The following TTN variants were observed in gnomAD, a reference collection of about 807,000 sequenced individuals.
The protein encoded by TTN is connectin.
Under a neutral mutation model 3,223.0 loss-of-function variants are expected in TTN, and 1,525 were observed. The observed-to-expected ratio is 0.47, with a 90% CI of 0.45 to 0.49. The LOEUF (loss-of-function observed/expected upper bound fraction) is 0.49. TTN is among the 20% of genes least tolerant of loss of function. TTN has a pLI of 0.00. For synonymous variants in TTN, 14,094 were observed against 15,161.0 expected, an observed-to-expected ratio of 0.93 and a Z score of 5.17; for missense variants, 40,786 against 43,424.0, an observed-to-expected ratio of 0.94 and a Z score of 5.40.
rs1693158118 is a variant in TTN, at chr2:178,539,159, C to A, written c.98776G>T (p.Gly32926Cys). The A allele has an allele frequency of 1.2e-6, 2 of 1,613,756 alleles. No homozygotes were observed. The highest frequency in any genetic ancestry group is 2.7e-5 in the African/African-American group (2 of 75,018). The change falls in exon 353 of 363, where the codon GGT becomes TGT. Residue 32926 changes from glycine (G) to cysteine (C), a missense_variant. Coordinates refer to ENST00000589042, the MANE Select transcript of TTN (RefSeq NM_001267550.2). ...LSWSRPKDDG[G>C]SRVTGYYIER... ...ATGTAGTAGCCTGTGACTCTAGAAC[C>A]ACCATCATCTTTGGGCCGGGACCAG...
At position 178,562,795 on chromosome 2, in the gene TTN, C is replaced by G. The variant is rs1410411613; in HGVS notation, c.83337G>C (p.Lys27779Asn). Residue 27779 changes from lysine to asparagine, a missense_variant, in exon 326 of 363, where the codon AAG becomes AAC. Lys to Asn is a moderately conservative substitution (Grantham distance 94). Coordinates refer to ENST00000589042, the MANE Select transcript of TTN (RefSeq NM_001267550.2). ...CCCAGGACAACGTCACTGAGTCTTT[C>G]TTCACTTCTCTTATGGTCAAATTCA... The part of the protein sequence containing the change: ...APVNLTIREV[K>N]KDSVTLSWEP... 1.2e-6 allele frequency: 2 copies of G among 1,613,090 alleles called. No homozygotes were observed. The highest frequency in any genetic ancestry group is 1.7e-6 in the Non-Finnish European group (2 of 1,179,584).
chr2:178,733,098 T>C lies in TTN; in HGVS notation c.16078A>G (p.Thr5360Ala), dbSNP rs749081117. 5.0e-6 allele frequency: 8 copies of C among 1,597,832 alleles called. No homozygotes were observed. The Admixed American group carries it at 1.4e-4, about 27-fold the overall frequency. Residue 5360 changes from threonine to alanine, a missense_variant, in exon 55 of 363, where the codon ACC becomes GCC. Transcript: ENST00000589042. Reference protein sequence around the residue: ...VLDRDIAPFFTKPLRNVDSVV... With the variant: ...VLDRDIAPFFAKPLRNVDSVV... ...CTATCCACGTTGCGCAAGGGTTTGG[T>C]AAAAAATGGAGCAATGTCTCGATCT...
chr2:178,718,586 C>T lies in TTN; in HGVS notation c.24520G>A (p.Val8174Met), dbSNP rs727504961. 5 of 1,612,074 alleles carry T rather than the reference C, an allele frequency of 3.1e-6. No individual in the cohort carries two copies. The highest frequency in any genetic ancestry group is 4.2e-6 in the Non-Finnish European group (5 of 1,178,730). ...HLFVKEPATF[V>M]KRLADFSVET... is the part of the protein sequence containing the mutation. ...ACACTGAAATCAGCCAATCTTTTCACAAAGGTGGCTGGTTCTATAAGGAGA... is the reference window on the plus strand; with the variant it reads ...ACACTGAAATCAGCCAATCTTTTCATAAAGGTGGCTGGTTCTATAAGGAGA... The change falls in exon 85 of 363, where the codon GTG becomes ATG. Residue 8174 changes from valine to methionine, a missense_variant. Transcript: ENST00000589042.
At chr2:178,685,217 A>G in intron 129 of TTN, 36 bp downstream of exon 129, 1 of 1,469,790 alleles carries the variant, frequency 6.8e-7, no homozygotes, top group Non-Finnish European at 9.2e-7. Flanking sequence ...ATACATTAAA[A>G]TAAATAGTGT....
Position 178,790,718 on chromosome 2 carries a change from CTT to C in TTN, c.1788_1789del (p.Ser597LeufsTer2). 1 of 1,614,096 alleles carries C rather than the reference CTT, an allele frequency of 6.2e-7. No homozygotes were observed. Among genetic ancestry groups the C allele is most frequent in the Non-Finnish European group, 8.5e-7 (1 of 1,179,988 alleles). The stretch of plus-strand genomic sequence containing the variant: ...GCAGGAAGTCATCACCTTTTCATAA[CTT>C]AGGTGCATTTGATCTTGTTGTGTGG... On this transcript the variant is annotated frameshift_variant, in exon 11 of 363. Coordinates refer to ENST00000589042, the MANE Select transcript of TTN (RefSeq NM_001267550.2). LOFTEE classifies it high-confidence loss of function.
Position 178,548,511 on chromosome 2 carries a change from C to A in TTN, c.93115G>T (p.Ala31039Ser), listed in dbSNP as rs1442882348. The A allele has an allele frequency of 6.2e-7, 1 of 1,613,760 alleles. No homozygotes were observed. The highest frequency in any genetic ancestry group is 8.5e-7 in the Non-Finnish European group (1 of 1,179,824). The change falls in exon 339 of 363, where the codon GCC becomes TCC. Residue 31039 changes from alanine (A) to serine (S), a missense_variant. Coordinates refer to ENST00000589042, the MANE Select transcript of TTN (RefSeq NM_001267550.2). This position sits in a 1 kb window ranked among gnomAD's most constrained non-coding sequence, Gnocchi z 4.3. ...TRGSATLMWD[A>S]PLLDGGARIH... is the part of the protein sequence containing the mutation. ...CGGGCACCACCGTCAAGAAGAGGGG[C>A]ATCCCACATCAATGTAGCAGATCCC...
Position 178,581,541 on chromosome 2 carries a change from G to T in TTN, c.66727C>A (p.Pro22243Thr). Residue 22243 changes from proline to threonine, a missense_variant, in exon 316 of 363, where the codon CCC becomes ACC. Transcript: ENST00000589042. Reference sequence around the variant, plus strand: ...TAGTGTTTATCTGGCACATCACTGGGGTCACTGTATCCAATCTTATTAACG... The same window carrying T: ...TAGTGTTTATCTGGCACATCACTGGTGTCACTGTATCCAATCTTATTAACG... ...YAVNKIGYSD[P>T]SDVPDKHYPK... 3 of 1,610,384 alleles carry T rather than the reference G, an allele frequency of 1.9e-6. No homozygotes were observed.
chr2:178,763,265 G>A (rs898356787), intron 43 of TTN, among the ~76,000 whole-genome samples: 1 of 152,190 alleles, frequency 6.6e-6, no homozygotes, highest in African/African-American at 2.4e-5. Context: ...GAAATTGGCT[G>A]GTGGTACTTG....
At chr2:178,705,009 T>C (rs2075626375) in intron 103 of TTN, 43 bp from the exon 104 acceptor site, 1 of 1,606,126 alleles carries the variant, frequency 6.2e-7, no homozygotes. Context: ...TGAAACAAAA[T>C]TTGATTTAGA....
chr2:178,800,606 T>C lies in TTN; in HGVS notation c.372A>G (p.Gln124=), dbSNP rs761201835. 5.6e-6 allele frequency: 9 copies of C among 1,613,572 alleles called. No individual in the cohort carries two copies. The highest frequency in any genetic ancestry group is 3.3e-5 in the Admixed American group (2 of 59,988). Residue 124 remains glutamine (Q), a synonymous_variant, in exon 4 of 363, where the codon CAA becomes CAG. Transcript: ENST00000589042. ...TVRQGSQVRL[Q]VRVTGIPTPV... is the part of the protein sequence containing the mutation. ...GTGTAGGGATTCCAGTCACTCTCACTTGGAGTCTCACTTGGCTTCCTTGTC... is the reference window on the plus strand; with the variant it reads ...GTGTAGGGATTCCAGTCACTCTCACCTGGAGTCTCACTTGGCTTCCTTGTC...
At position 178,728,405 on chromosome 2, in the gene TTN, A is replaced by G. The variant is rs1315535898; in HGVS notation, c.19427-8T>C. 1 of 1,590,170 alleles carries G rather than the reference A, an allele frequency of 6.3e-7. No homozygotes were observed. Among genetic ancestry groups the G allele is most frequent in the African/African-American group, 1.4e-5 (1 of 74,042 alleles). ...ATGGAGGAATATTTTGATCTGTCCA[A>G]TGCAAACAGCAAAACACATCCATTA... On this transcript the variant is annotated splice_region_variant and splice_polypyrimidine_tract_variant and intron_variant, in intron 66 of 362. Transcript: ENST00000589042.
rs775911701 is a variant in TTN at position 178,579,904 on chromosome 2, A to C, written c.67348+35T>G. 7 of 1,612,394 alleles carry C rather than the reference A, an allele frequency of 4.3e-6. No individual in the cohort carries two copies. The African/African-American group carries it at 9.4e-5, about 22-fold the overall frequency. ...CCCCATATAACAAAGGAAGGATATA[A>C]CTCAAAATGATGGGATGATGGTTCA... On this transcript the variant is annotated intron_variant, in intron 318 of 362. Coordinates refer to ENST00000589042, the MANE Select transcript of TTN (RefSeq NM_001267550.2).
In TTN at chr2:178,543,603, T is replaced by A; in HGVS notation, c.96370A>T (p.Ile32124Leu). The A allele has an allele frequency of 6.2e-7, 1 of 1,605,484 alleles. No individual in the cohort carries two copies. Among genetic ancestry groups the A allele is most frequent in the Non-Finnish European group, 8.5e-7 (1 of 1,179,494 alleles). ...VKEVSRDSVT[I>L]TWEIPTIDGG... ...TCAATCGTGGGAATTTCCCAAGTTA[T>A]AGTCACAGAATCTCTTGATACTTCC... Residue 32124 changes from isoleucine (I) to leucine (L), a missense_variant, in exon 347 of 363, where the codon ATA (isoleucine) becomes TTA (leucine). Transcript: ENST00000589042.
rs1691993370 is a variant in TTN, at chr2:178,537,194, C to T, written c.99915G>A (p.Lys33305=). 1 of 1,611,958 alleles carries T rather than the reference C, an allele frequency of 6.2e-7. No individual in the cohort carries two copies. The stretch of plus-strand genomic sequence containing the variant: ...GTTTCCAGCTGATCACTGCGGAGTT[C>T]TTCAATAGAGCTTCGATCACAATTG... ...TGPIVIEALL[K]NSAVISWKPP... The change falls in exon 356 of 363, where the codon AAG becomes AAA. Residue 33305 remains lysine (K), a synonymous_variant. Coordinates refer to ENST00000589042, the MANE Select transcript of TTN (RefSeq NM_001267550.2).
chr2:178,736,139 T>C (rs2081399890), intron 49 of TTN, 65 bp from the exon 50 acceptor site: 1 of 1,405,946 alleles, frequency 7.1e-7, no homozygotes, highest in African/African-American at 1.4e-5. Flanking sequence ...TAATTATATA[T>C]TCCAAGACAG....
At chr2:178,594,861 T>C (rs1224693818) in intron 295 of TTN, among the ~76,000 whole-genome samples, 1 of 152,090 alleles carries the variant, frequency 6.6e-6, no homozygotes, top group Non-Finnish European at 1.5e-5. Flanking sequence ...AATAGAGGTT[T>C]GTTGAGGCAA....
chr2:178,674,032 GA>G (rs2154266266), intron 151 of TTN, among the ~76,000 whole-genome samples: 1 of 151,682 alleles, frequency 6.6e-6, no homozygotes, highest in Non-Finnish European at 1.5e-5. Context: ...CAAAATTAAG[GA>G]TTGAAATCTA....
chr2:178,701,556 G>C lies in TTN; in HGVS notation c.30570C>G (p.Thr10190=). Residue 10190 remains threonine (T), a synonymous_variant, in exon 110 of 363, where the codon ACC becomes ACG. Transcript: ENST00000589042. ...CTGGTGGCACTGCTCTGATAGGCATGGTTGGGATTGGAACTCTGGAGTCAG... is the reference window on the plus strand; with the variant it reads ...CTGGTGGCACTGCTCTGATAGGCATCGTTGGGATTGGAACTCTGGAGTCAG... ...DIPDSRVPIP[T]MPIRAVPPEE... 1 of 1,613,682 alleles carries C rather than the reference G, an allele frequency of 6.2e-7. No individual in the cohort carries two copies. The highest frequency in any genetic ancestry group is 8.5e-7 in the Non-Finnish European group (1 of 1,179,718).
rs571796531 is a variant in TTN, at chr2:178,549,574, TTG to T, written c.92146_92147del (p.Gln30716IlefsTer5). The T allele has an allele frequency of 6.2e-7, 1 of 1,611,330 alleles. No homozygotes were observed. Among genetic ancestry groups the T allele is most frequent in the South Asian group, 1.1e-5 (1 of 90,960 alleles). ...LDSDPVVAQIQYTVPDAPGIP... is the reference protein window; with the variant it reads ...LDSDPVVAQIXYTVPDAPGIP... ...TTAGTAAAAACGCAAACTTACTATA[TTG>T]TATTTGAGCAACCACTGGATCAGAA... On this transcript the variant is annotated frameshift_variant, in exon 338 of 363. Transcript: ENST00000589042. LOFTEE classifies it high-confidence loss of function.
Sources: gnomAD v4.1 joint callset for allele counts (sites outside exome capture counted in the v4.1 genomes callset) on GRCh38, gnomAD v4.1.1 for gene constraint, Gnocchi (gnomAD v3.1) non-coding constraint, MANE v1.5 for transcripts, NCBI Gene and HGNC (gene_info 2026-07-23, HGNC 2026-07-21) for gene names.